The following NTN4 variants were observed in gnomAD, a reference collection of about 807,000 sequenced individuals.
NTN4 encodes netrin-4.
A neutral mutation model predicts 73.6 loss-of-function variants in NTN4; 32 were observed. That is an observed-to-expected ratio of 0.44 (90% CI 0.33 to 0.58). The LOEUF is 0.58. Ranked by LOEUF, NTN4 falls within the 20% of genes least tolerant of loss-of-function variation. NTN4 has a pLI of 0.04. For missense variants in NTN4, 654 were observed against 798.3 expected, an observed-to-expected ratio of 0.82 and a Z score of 2.18; for synonymous variants, 258 against 287.5, an observed-to-expected ratio of 0.90 and a Z score of 1.04.
chr12:95,755,416 T>C (rs1001766247), intron 2 of NTN4, among the ~76,000 whole-genome samples: 3 of 152,220 alleles, frequency 2.0e-5, no homozygotes, highest in Non-Finnish European at 2.9e-5. Flanking sequence ...GACTAGAAGA[T>C]AGCATAATTG....
chr12:95,669,000 T>G (rs1478330277), intron 8 of NTN4, among the ~76,000 whole-genome samples: 2 of 152,218 alleles, frequency 1.3e-5, no homozygotes, highest in African/African-American at 4.8e-5. Context: ...GGCACATGCC[T>G]GTAGTCCCAG....
intron 7 of NTN4, among the ~76,000 whole-genome samples, chr12:95,670,706 A>G (rs2078220444): frequency 6.6e-6 from 1 of 152,230 alleles, no homozygotes; most frequent in Non-Finnish European, 1.5e-5. Flanking sequence ...GAAGAAACCA[A>G]GTGTACAAAA....
intron 5 of NTN4, among the ~76,000 whole-genome samples, chr12:95,700,281 AG>A (rs1354276928): frequency 6.6e-6 from 1 of 151,460 alleles, no homozygotes; most frequent in Non-Finnish European, 1.5e-5. Context: ...TTTTTTTTAA[AG>A]AGAGCTTATG....
chr12:95,755,856 A>C (rs927399023), intron 2 of NTN4, among the ~76,000 whole-genome samples: 2 of 152,258 alleles, frequency 1.3e-5, no homozygotes, highest in Non-Finnish European at 2.9e-5. Flanking sequence ...AATGAGAAAC[A>C]AGATAGAAAA....
rs567967975 is a variant in NTN4 at position 95,659,478 on chromosome 12, T to G, written c.1751-256A>C. On this transcript the variant is annotated intron_variant, in intron 9 of 9. Transcript: ENST00000343702. ...TCCCAGCTAATTTTTTCATATTTTT[T>G]GTCGAGATGGGGTTTCATCATGTTG... Among the ~76,000 whole-genome samples the G allele has an allele frequency of 7.9e-5, 12 of 152,194 alleles. No individual in the cohort carries two copies. In the East Asian group the frequency reaches 2.3e-3, roughly 29 times the overall value.
intron 5 of NTN4, among the ~76,000 whole-genome samples, chr12:95,696,220 T>C (rs923823590): frequency 6.6e-6 from 1 of 152,182 alleles, no homozygotes; most frequent in Non-Finnish European, 1.5e-5. Flanking sequence ...CCCCTTTTTT[T>C]TTCATAACAC....
At chr12:95,774,027 A>C (rs1053379371) in intron 2 of NTN4, among the ~76,000 whole-genome samples, 2 of 152,148 alleles carry the variant, frequency 1.3e-5, no homozygotes, top group Admixed American at 1.3e-4. Context: ...AAGAGCCTTC[A>C]CTTGTTATAT....
chr12:95,710,349 G>T, intron 5 of NTN4, 92 bp downstream of exon 5: 2 of 1,014,432 alleles, frequency 2.0e-6, no homozygotes, highest in Non-Finnish European at 2.9e-6. Context: ...GAACCTCAAT[G>T]ACCTCCTTCT....
chr12:95,790,110 A>C lies in NTN4; in HGVS notation c.55+145T>G. The C allele has an allele frequency of 1.7e-6, 1 of 589,470 alleles. No individual in the cohort carries two copies. 36.5% of individuals were successfully genotyped at this position (589,470 alleles called of 1,614,324 possible). A position where few individuals can be genotyped will look rare whatever the true frequency, so the allele number is the denominator to read the frequency against. On this transcript the variant is annotated intron_variant, in intron 1 of 9. Coordinates refer to ENST00000343702, the MANE Select transcript of NTN4 (RefSeq NM_021229.4). The surrounding 1 kb of genome is among the most constrained non-coding windows in gnomAD (Gnocchi z 6.5). ...ATTTGAAACTGCGGAGCCCCGGGGA[A>C]AGGAGGCGGAACATGGCCACTCATT...
At chr12:95,663,363 T>G (rs1362249850) in intron 9 of NTN4, 2 of 152,240 alleles carry the variant, frequency 1.3e-5, no homozygotes. Flanking sequence ...TATTTTCCTA[T>G]CTCTAGGGTT....
intron 5 of NTN4, among the ~76,000 whole-genome samples, chr12:95,687,185 T>TA (rs60347470): frequency 8.6e-5 from 13 of 151,636 alleles, no homozygotes; most frequent in Non-Finnish European, 1.8e-4. Flanking sequence ...TCATTATTAT[T>TA]TTTTCCATTG....
chr12:95,769,841 C>G (rs1335386618), intron 2 of NTN4, among the ~76,000 whole-genome samples: 4 of 150,152 alleles, frequency 2.7e-5, no homozygotes, highest in African/African-American at 9.8e-5. Context: ...ACTGCAACCT[C>G]CATCTCCTGG....
intron 5 of NTN4, among the ~76,000 whole-genome samples, chr12:95,696,953 TGAGCCCAGGAGTTCAAGACCAG>T: frequency 6.6e-6 from 1 of 152,006 alleles, no homozygotes; most frequent in Non-Finnish European, 1.5e-5. Flanking sequence ...GAGGTTCACT[TGAGCCCAGGAGTTCAAGACCAG>T]CCTGGGCAAC....
At chr12:95,768,135 G>A (rs1377250174) in intron 2 of NTN4, among the ~76,000 whole-genome samples, 1 of 152,194 alleles carries the variant, frequency 6.6e-6, no homozygotes, top group African/African-American at 2.4e-5. Context: ...ATGTCAGGCA[G>A]CACGTGAGAT....
At chr12:95,718,577 T>A (rs1174537596) in intron 3 of NTN4, among the ~76,000 whole-genome samples, 3 of 152,172 alleles carry the variant, frequency 2.0e-5, no homozygotes, top group African/African-American at 7.2e-5. Flanking sequence ...GCCCCCAGAT[T>A]AGGCTTAAAT....
At chr12:95,673,145 C>A in intron 7 of NTN4, 1 of 732,612 alleles carries the variant, frequency 1.4e-6, no homozygotes, top group Non-Finnish European at 2.3e-6. Flanking sequence ...CTCCTGCACA[C>A]GCCACACTGA....
chr12:95,733,797 T>C (rs1470723245), intron 3 of NTN4, among the ~76,000 whole-genome samples: 2 of 151,948 alleles, frequency 1.3e-5, no homozygotes, highest in African/African-American at 2.4e-5. Context: ...GGGCCGGGCA[T>C]GGTGGCTCAT....
intron 4 of NTN4, among the ~76,000 whole-genome samples, chr12:95,712,877 A>T (rs1255881597): frequency 5.0e-5 from 7 of 140,884 alleles, no homozygotes; most frequent in Non-Finnish European, 9.0e-5. Context: ...GTCTCAAGTG[A>T]TCCACCCGCC....
rs1056609389 is a variant in NTN4 at position 95,723,977 on chromosome 12, T to C, written c.865-10639A>G. On this transcript the variant is annotated intron_variant, in intron 3 of 9. Coordinates refer to ENST00000343702, the MANE Select transcript of NTN4 (RefSeq NM_021229.4). ...AGTCATGACCTTTCTTTTTACAAAG[T>C]TATTTTTTAACACTACCATTTCTTA... is the stretch of plus-strand genomic sequence containing the variant. Among the ~76,000 whole-genome samples the C allele has an allele frequency of 1.1e-4, 16 of 152,226 alleles. 1 individual carries two copies. The highest frequency in any genetic ancestry group is 3.9e-4 in the African/African-American group (16 of 41,452).
Sources: allele counts gnomAD v4.1 joint callset (sites outside exome capture counted in the v4.1 genomes callset), GRCh38; gene constraint gnomAD v4.1.1; non-coding constraint Gnocchi (gnomAD v3.1); transcripts MANE v1.5; gene names NCBI Gene and HGNC (gene_info 2026-07-23, HGNC 2026-07-21).